Variants in DARS1 observed in about 807,000 individuals in gnomAD.
DARS1 encodes the protein aspartate--tRNA ligase, cytoplasmic.
DARS1 carries 51 observed loss-of-function variants against 68.8 expected under a neutral mutation model. The ratio of observed to expected loss-of-function variants is 0.74; its 90% confidence interval spans 0.59 to 0.94. The LOEUF (loss-of-function observed/expected upper bound fraction) is 0.94. Ranked by LOEUF, DARS1 falls within the 40% of genes least tolerant of loss-of-function variation. DARS1 has a pLI of 0.00. For missense variants in DARS1, 607 were observed against 597.3 expected (o/e 1.02, Z -0.17); for synonymous variants, 203 against 190.4 (o/e 1.07, Z -0.55).
At position 135,924,397 on chromosome 2, in the gene DARS1, T is replaced by C. The variant is rs1681169261; in HGVS notation, c.666A>G (p.Lys222=). 1.9e-6 allele frequency: 3 copies of C among 1,594,874 alleles called. No individual in the cohort carries two copies. The South Asian group carries it at 3.5e-5, about 18-fold the overall frequency. The part of the protein sequence containing the change: ...NKGFVEIQTP[K]IISAASEGGA... Reference sequence around the variant, plus strand: ...TATTTTGAAGCATACCTGAAATAATTTTAGGAGTTTGGATTTCCACAAAAC... The same window carrying C: ...TATTTTGAAGCATACCTGAAATAATCTTAGGAGTTTGGATTTCCACAAAAC... The change falls in exon 8 of 16, where the codon AAA becomes AAG. Residue 222 remains lysine (K), a synonymous_variant. Transcript: ENST00000264161.
At chr2:135,977,714 G>T (rs1277095506) in intron 3 of DARS1, among the ~76,000 whole-genome samples, 1 of 152,112 alleles carries the variant, frequency 6.6e-6, no homozygotes, top group Non-Finnish European at 1.5e-5. Flanking sequence ...TTCATCAGGG[G>T]AGGATACTGA....
chr2:135,936,213 A>C (rs1681469916), intron 5 of DARS1, among the ~76,000 whole-genome samples: 2 of 152,232 alleles, frequency 1.3e-5, no homozygotes, highest in Admixed American at 1.3e-4. Flanking sequence ...CTTAGTAGGT[A>C]ATACTTCATG....
At chr2:135,930,592 T>A (rs1404804413) in intron 7 of DARS1, among the ~76,000 whole-genome samples, 1 of 152,172 alleles carries the variant, frequency 6.6e-6, no homozygotes, top group South Asian at 2.1e-4. Flanking sequence ...TTCCACAGTA[T>A]AAGAAACCTG....
chr2:135,961,032 C>T (rs921652928), intron 4 of DARS1, among the ~76,000 whole-genome samples: 3 of 152,068 alleles, frequency 2.0e-5, no homozygotes, highest in Admixed American at 6.6e-5. Flanking sequence ...TGTTGCTCAA[C>T]ATGCAAATCT....
At chr2:135,917,681 G>A (rs1681035045) in intron 10 of DARS1, among the ~76,000 whole-genome samples, 1 of 151,984 alleles carries the variant, frequency 6.6e-6, no homozygotes, top group Admixed American at 6.6e-5. Flanking sequence ...ATTTCACCAT[G>A]TTGCCCAGGC....
At chr2:135,974,138 G>A (rs1407338544) in intron 3 of DARS1, among the ~76,000 whole-genome samples, 1 of 152,170 alleles carries the variant, frequency 6.6e-6, no homozygotes, top group African/African-American at 2.4e-5. Flanking sequence ...TGAAAGGGAC[G>A]CTTATTTACA....
At chr2:135,910,591 C>T (rs746675263) in intron 15 of DARS1, among the ~76,000 whole-genome samples, 47 of 152,052 alleles carry the variant, frequency 3.1e-4, no homozygotes, top group Non-Finnish European at 5.7e-4. Flanking sequence ...AACTGTCTCT[C>T]GACCAATTTT....
rs546123775 is a variant in DARS1, at chr2:135,916,009, G to GT, written c.1106+216dup. Among the ~76,000 whole-genome samples, 20 of 152,144 alleles carry GT rather than the reference G, an allele frequency of 1.3e-4. 1 individual carries two copies. In the South Asian group the frequency reaches 3.9e-3, roughly 30 times the overall value. Reference sequence around the variant, plus strand: ...TACTGTATACCAAAGTTAATAAAATGTAAGTGTATCAGGTGAAAAAAATCA... The same window carrying GT: ...TACTGTATACCAAAGTTAATAAAATGTTAAGTGTATCAGGTGAAAAAAATCA... On this transcript the variant is annotated intron_variant, in intron 11 of 15. Transcript: ENST00000264161.
chr2:135,952,734 C>T (rs942288722), intron 4 of DARS1, among the ~76,000 whole-genome samples: 6 of 152,148 alleles, frequency 3.9e-5, no homozygotes, highest in Non-Finnish European at 8.8e-5. Context: ...GAATAGTATT[C>T]CAGAGTGTAT....
intron 3 of DARS1, 120 bp downstream of exon 3, chr2:135,979,150 TAAGA>T (rs1442239035): frequency 3.2e-5 from 21 of 647,978 alleles, no homozygotes; most frequent in Non-Finnish European, 5.2e-5. Flanking sequence ...CAGTGACTTT[TAAGA>T]AAGAAAAGTT....
At chr2:135,962,637 T>C (rs866412693) in intron 3 of DARS1, among the ~76,000 whole-genome samples, 3 of 152,220 alleles carry the variant, frequency 2.0e-5, no homozygotes, top group South Asian at 2.1e-4. Context: ...CTATTGACTT[T>C]AGAGTCATAT....
chr2:135,973,010 T>A (rs983336739), intron 3 of DARS1, among the ~76,000 whole-genome samples: 1 of 152,220 alleles, frequency 6.6e-6, no homozygotes, highest in Non-Finnish European at 1.5e-5. Context: ...TAGAACAGTT[T>A]GGAGGTTCCT....
chr2:135,981,350 G>A (rs1229122188), intron 2 of DARS1, among the ~76,000 whole-genome samples: 1 of 152,138 alleles, frequency 6.6e-6, no homozygotes, highest in Non-Finnish European at 1.5e-5. Context: ...TGCCCTGGCA[G>A]AGGAATATCA....
At chr2:135,960,390 G>C (rs969704588) in intron 4 of DARS1, among the ~76,000 whole-genome samples, 4 of 152,144 alleles carry the variant, frequency 2.6e-5, no homozygotes, top group African/African-American at 9.7e-5. Context: ...CATTGTGCTA[G>C]AGGGTCAGGG....
At position 135,933,912 on chromosome 2, in the gene DARS1, C is replaced by T; in HGVS notation, c.502G>A (p.Glu168Lys). 2 of 1,612,352 alleles carry T rather than the reference C, an allele frequency of 1.2e-6. No individual in the cohort carries two copies. The highest frequency in any genetic ancestry group is 2.2e-5 in the East Asian group (1 of 44,836). ...TATTTCATAAGTATAATTTTTACCTCTTCTCCTTCTGCCTCAGGCCGAACA... is the reference window on the plus strand; with the variant it reads ...TATTTCATAAGTATAATTTTTACCTTTTCTCCTTCTGCCTCAGGCCGAACA... Reference protein sequence around the residue: ...DAVRPEAEGEEEGRATVNQDT... With the variant: ...DAVRPEAEGEKEGRATVNQDT... Residue 168 changes from glutamate (E) to lysine (K), a missense_variant and splice_region_variant, in exon 6 of 16, where the codon GAG (glutamate) becomes AAG (lysine). Glu to Lys is a moderately conservative substitution (Grantham distance 56). Coordinates refer to ENST00000264161, the MANE Select transcript of DARS1 (RefSeq NM_001349.4).
intron 13 of DARS1, 64 bp downstream of exon 13, chr2:135,912,422 C>T: frequency 1.4e-6 from 1 of 703,994 alleles, no homozygotes. Flanking sequence ...ATTATACAAT[C>T]TGACAGTGAC....
Position 135,969,119 on chromosome 2 carries a change from C to T in DARS1, c.218-7621G>A, listed in dbSNP as rs573888861. On this transcript the variant is annotated intron_variant, in intron 3 of 15. Transcript: ENST00000264161. The stretch of plus-strand genomic sequence containing the variant: ...GAAATTTTAAAAATGCATATGCATG[C>T]CCTTTAACCCAGCAATTTCATTTCT... 2.0e-4 allele frequency among the ~76,000 whole-genome samples: 30 copies of T among 152,094 alleles called. No homozygotes were observed. The South Asian group carries it at 5.6e-3, about 28-fold the overall frequency.
At chr2:135,913,966 T>C (rs976675546) in intron 12 of DARS1, among the ~76,000 whole-genome samples, 1 of 152,242 alleles carries the variant, frequency 6.6e-6, no homozygotes, top group Non-Finnish European at 1.5e-5. Flanking sequence ...GCTCAAGGAC[T>C]AATTTTCCTT....
intron 15 of DARS1, among the ~76,000 whole-genome samples, chr2:135,909,524 A>G (rs1014380236): frequency 2.0e-5 from 3 of 152,180 alleles, no homozygotes; most frequent in African/African-American, 7.2e-5. Flanking sequence ...GCAATTTTCA[A>G]TGTGGAACAA....
Sources: gnomAD v4.1 joint callset for allele counts (sites outside exome capture counted in the v4.1 genomes callset) on GRCh38, gnomAD v4.1.1 for gene constraint, MANE v1.5 for transcripts, NCBI Gene and HGNC (gene_info 2026-07-23, HGNC 2026-07-21) for gene names.